Variants in PKIB observed in about 807,000 individuals in gnomAD.
PKIB encodes PKI-beta.
A neutral mutation model predicts 4.5 loss-of-function variants in PKIB; 2 were observed. The observed-to-expected ratio is 0.44, with a 90% CI of 0.18 to 1.39. The LOEUF is 1.39. Ranked by LOEUF, PKIB falls within the 40% of genes most tolerant of loss-of-function variation. The pLI is 0.27. For missense variants in PKIB, 94 were observed against 92.6 expected, an observed-to-expected ratio of 1.02 and a Z score of -0.06; for synonymous variants, 38 against 36.0, an observed-to-expected ratio of 1.06 and a Z score of -0.20.
intron 2 of PKIB, among the ~76,000 whole-genome samples, chr6:122,501,969 C>G (rs1343114432): frequency 1.9e-5 from 2 of 107,492 alleles, no homozygotes; most frequent in Non-Finnish European, 3.9e-5. Flanking sequence ...TTATTTTTTT[C>G]GAGATGGAGT....
intron 1 of PKIB, among the ~76,000 whole-genome samples, chr6:122,616,587 A>G (rs1049251187): frequency 1.2e-4 from 19 of 152,198 alleles, no homozygotes; most frequent in African/African-American, 4.6e-4. Context: ...TTAAGTATAG[A>G]AAAGACAATT....
chr6:122,621,079 G>A (rs576180771), intron 1 of PKIB, among the ~76,000 whole-genome samples: 43 of 152,150 alleles, frequency 2.8e-4, no homozygotes, highest in African/African-American at 4.3e-4. Context: ...AGATCACTGC[G>A]GGATATTGGC....
intron 2 of PKIB, among the ~76,000 whole-genome samples, chr6:122,504,638 C>G (rs974660080): frequency 2.6e-5 from 4 of 152,124 alleles, no homozygotes; most frequent in African/African-American, 7.2e-5. Flanking sequence ...AATTGTGTTG[C>G]ATTTTCTGGC....
At chr6:122,718,584 A>G (rs28575154) in intron 4 of PKIB, among the ~76,000 whole-genome samples, 12 of 152,218 alleles carry the variant, frequency 7.9e-5, no homozygotes, top group African/African-American at 2.7e-4. Context: ...ATACACTCAG[A>G]GAGATTAAAG....
intron 1 of PKIB, among the ~76,000 whole-genome samples, chr6:122,626,989 C>A (rs1298665963): frequency 6.6e-6 from 1 of 150,704 alleles, no homozygotes; most frequent in Non-Finnish European, 1.5e-5. Context: ...AATCCCAGCA[C>A]TTTGGGAGGC....
At chr6:122,514,977 T>G (rs1480007324) in intron 2 of PKIB, among the ~76,000 whole-genome samples, 1 of 152,232 alleles carries the variant, frequency 6.6e-6, no homozygotes, top group East Asian at 1.9e-4. Flanking sequence ...GAGTAAATGG[T>G]ACAGTTTGGG....
At chr6:122,659,277 G>C (rs1009846024) in intron 2 of PKIB, among the ~76,000 whole-genome samples, 2 of 152,102 alleles carry the variant, frequency 1.3e-5, no homozygotes, top group African/African-American at 4.8e-5. Flanking sequence ...TACATATAGA[G>C]TTCTACGTAC....
chr6:122,586,640 C>T (rs1773856156), intron 3 of PKIB, among the ~76,000 whole-genome samples: 1 of 152,076 alleles, frequency 6.6e-6, no homozygotes, highest in African/African-American at 2.4e-5. Flanking sequence ...TTGAGAAAGT[C>T]CTTTCCCTGT....
intron 3 of PKIB, among the ~76,000 whole-genome samples, chr6:122,690,861 T>C (rs1363395621): frequency 6.6e-6 from 1 of 151,632 alleles, no homozygotes; most frequent in Non-Finnish European, 1.5e-5. Context: ...GTTGATGAAA[T>C]CCTTCAGCTT....
intron 2 of PKIB, among the ~76,000 whole-genome samples, chr6:122,570,809 A>AACCAGAAAAGTAATTCTGG (rs1174241225): frequency 2.0e-5 from 3 of 151,984 alleles, no homozygotes; most frequent in African/African-American, 7.2e-5. Flanking sequence ...AATGAAAAGG[A>AACCAGAAAAGTAATTCTGG]ACCAGAAAAG....
At chr6:122,541,188 A>T (rs1224122732) in intron 2 of PKIB, among the ~76,000 whole-genome samples, 18 of 151,968 alleles carry the variant, frequency 1.2e-4, no homozygotes, top group Admixed American at 8.5e-4. Context: ...TTACATTTAA[A>T]GTTAATACTG....
chr6:122,722,159 C>T (rs2115091840), intron 4 of PKIB, among the ~76,000 whole-genome samples: 1 of 152,238 alleles, frequency 6.6e-6, no homozygotes, highest in Non-Finnish European at 1.5e-5. Context: ...TCATTAACAT[C>T]ACAATACAAA....
intron 4 of PKIB, among the ~76,000 whole-genome samples, chr6:122,724,348 A>G (rs1414932790): frequency 1.3e-5 from 2 of 152,188 alleles, no homozygotes; most frequent in African/African-American, 4.8e-5. Context: ...ACTGCATAGC[A>G]GGAGTAACAC....
At chr6:122,531,040 T>C (rs930580496) in intron 2 of PKIB, 1 of 152,230 alleles carries the variant, frequency 6.6e-6, no homozygotes, top group African/African-American at 2.4e-5. Context: ...AGGAGAACTT[T>C]TAGCTTTCTA....
chr6:122,712,028 A>G (rs529091047), intron 3 of PKIB, among the ~76,000 whole-genome samples: 2 of 152,308 alleles, frequency 1.3e-5, no homozygotes, highest in South Asian at 4.1e-4. Flanking sequence ...AAAGACAGGA[A>G]AGTTTCTAAG....
chr6:122,501,016 C>G (rs1776216518), intron 2 of PKIB, among the ~76,000 whole-genome samples: 1 of 152,156 alleles, frequency 6.6e-6, no homozygotes, highest in Non-Finnish European at 1.5e-5. Context: ...CCAGGACCCT[C>G]TCCCAACACG....
At chr6:122,611,590 G>C (rs557457609) in intron 1 of PKIB, among the ~76,000 whole-genome samples, 1 of 152,148 alleles carries the variant, frequency 6.6e-6, no homozygotes, top group Non-Finnish European at 1.5e-5. Flanking sequence ...GAAATATTGC[G>C]AGTATTGCAT....
At chr6:122,638,419 GT>G (rs1309746661) in intron 2 of PKIB, among the ~76,000 whole-genome samples, 1 of 152,136 alleles carries the variant, frequency 6.6e-6, no homozygotes, top group East Asian at 1.9e-4. Flanking sequence ...GAACTTTCTA[GT>G]CTTTCTGTTC....
intron 2 of PKIB, among the ~76,000 whole-genome samples, chr6:122,648,743 T>C (rs1276594965): frequency 6.6e-6 from 1 of 152,198 alleles, no homozygotes; most frequent in Non-Finnish European, 1.5e-5. Flanking sequence ...CAGCACTTTT[T>C]CCAAGATAGA....
Sources: gnomAD v4.1 joint callset for allele counts (sites outside exome capture counted in the v4.1 genomes callset) on GRCh38, gnomAD v4.1.1 for gene constraint, MANE v1.5 for transcripts, NCBI Gene and HGNC (gene_info 2026-07-23, HGNC 2026-07-21) for gene names.